The following ASNS variants were observed in gnomAD, a reference collection of about 807,000 sequenced individuals.
ASNS encodes the protein asparagine synthetase (glutamine-hydrolyzing), also known as asparagine synthetase [glutamine-hydrolyzing].
A neutral mutation model predicts 62.6 loss-of-function variants in ASNS; 37 were observed. The ratio of observed to expected loss-of-function variants is 0.59; its 90% CI spans 0.45 to 0.78. ASNS has a LOEUF of 0.78. Among genes scored for constraint, ASNS ranks in the 30% least tolerant of loss-of-function variants. The probability of loss-of-function intolerance (pLI) is 0.00; values close to 1 mark genes in which losing one functional copy is unlikely to be tolerated. For synonymous variants in ASNS, 207 were observed against 237.9 expected, an observed-to-expected ratio of 0.87 and a Z score of 1.19; for missense variants, 520 against 682.4, an observed-to-expected ratio of 0.76 and a Z score of 2.65.
At chr7:97,915,457 C>T in the ASNS span, among the ~76,000 whole-genome samples, 858 of 152,314 alleles carry the variant, frequency 5.6e-3, 7 homozygotes, top group African/African-American at 0.02. Context: ...ACACCAGAGA[C>T]ACAAATGAGA....
At chr7:97,912,823 C>A in the ASNS span, among the ~76,000 whole-genome samples, 1 of 151,578 alleles carries the variant, frequency 6.6e-6, no homozygotes, top group Non-Finnish European at 1.5e-5. Flanking sequence ...CTCAAGTGAT[C>A]CAACCCCCTA....
intron 1 of ASNS, among the ~76,000 whole-genome samples, chr7:97,871,073 A>G (rs1792236487): frequency 6.6e-6 from 1 of 152,242 alleles, no homozygotes; most frequent in Admixed American, 6.5e-5. Flanking sequence ...CCACATATGT[A>G]ATTTTAAATA....
chr7:97,870,495 G>T (rs1792201868), intron 1 of ASNS, among the ~76,000 whole-genome samples: 1 of 152,136 alleles, frequency 6.6e-6, no homozygotes, highest in Non-Finnish European at 1.5e-5. Flanking sequence ...CAAAGGTTTA[G>T]CTGGCTTTTC....
the ASNS span, among the ~76,000 whole-genome samples, chr7:97,896,739 C>CAAATATATATATATATATAT: frequency 6.3e-5 from 2 of 32,000 alleles, no homozygotes; most frequent in African/African-American, 6.9e-5. Flanking sequence ...CACACACACA[C>CAAATATATATATATATATAT]ACATATATAT....
At chr7:97,856,881 T>A (rs1216392162) in intron 7 of ASNS, 65 bp from the exon 8 acceptor site, 1 of 1,454,578 alleles carries the variant, frequency 6.9e-7, no homozygotes, top group Admixed American at 2.1e-5. Context: ...AAATCAAACA[T>A]GATGGGAGTT....
the ASNS span, among the ~76,000 whole-genome samples, chr7:97,878,954 C>T: frequency 6.6e-6 from 1 of 152,084 alleles, no homozygotes; most frequent in Non-Finnish European, 1.5e-5. Flanking sequence ...GAGATATAGA[C>T]CAATGGAACA....
At chr7:97,914,119 G>A in the ASNS span, among the ~76,000 whole-genome samples, 1 of 146,154 alleles carries the variant, frequency 6.8e-6, no homozygotes, top group Non-Finnish European at 1.5e-5. Context: ...TGGGTGGGTG[G>A]ATAGATGGGT....
chr7:97,919,353 G>T, the ASNS span, among the ~76,000 whole-genome samples: 1 of 152,052 alleles, frequency 6.6e-6, no homozygotes, highest in Non-Finnish European at 1.5e-5. Context: ...TGGCCCACCC[G>T]CCTTGGCCTC....
upstream of ASNS, among the ~76,000 whole-genome samples, chr7:97,875,162 T>C (rs1321782059): frequency 6.6e-6 from 1 of 152,184 alleles, no homozygotes; most frequent in Admixed American, 6.5e-5. Context: ...TTGTTTGTTT[T>C]TGAGACAGGG....
Position 97,864,291 on chromosome 7 carries a change from T to A in ASNS, c.455A>T (p.Asp152Val), listed in dbSNP as rs1791856058. ...VRPLFKAMTE[D>V]GFLAVCSEAK... ...TTCTGAACATACAGCCAAAAATCCATCTTCTGTCATTGCTTTAAACAAAGG... is the reference window on the plus strand; with the variant it reads ...TTCTGAACATACAGCCAAAAATCCAACTTCTGTCATTGCTTTAAACAAAGG... Residue 152 changes from aspartate to valine, a missense_variant, in exon 4 of 13, where the codon GAT becomes GTT. Asp to Val is a radical substitution (Grantham distance 152). Coordinates refer to ENST00000394308, the MANE Select transcript of ASNS (RefSeq NM_001673.5). The A allele has an allele frequency of 6.2e-7, 1 of 1,613,630 alleles. No individual in the cohort carries two copies. The highest frequency in any genetic ancestry group is 1.1e-5 in the South Asian group (1 of 91,032).
At chr7:97,897,304 A>C in the ASNS span, among the ~76,000 whole-genome samples, 1 of 152,236 alleles carries the variant, frequency 6.6e-6, no homozygotes, top group Non-Finnish European at 1.5e-5. Flanking sequence ...AAAACGCTGA[A>C]GACAACCTAG....
At chr7:97,920,774 T>A in the ASNS span, among the ~76,000 whole-genome samples, 2 of 152,070 alleles carry the variant, frequency 1.3e-5, no homozygotes, top group African/African-American at 4.8e-5. Flanking sequence ...TAGCAAGAGC[T>A]TTTGAGACAG....
chr7:97,872,893 G>C (rs1792353553), upstream of ASNS, among the ~76,000 whole-genome samples: 1 of 152,210 alleles, frequency 6.6e-6, no homozygotes, highest in Admixed American at 6.5e-5. Context: ...TTGAAACCAG[G>C]AGTTCAAGAC....
chr7:97,858,505 T>A, intron 6 of ASNS, 100 bp from the exon 7 acceptor site: 1 of 1,451,264 alleles, frequency 6.9e-7, no homozygotes, highest in Non-Finnish European at 9.3e-7. Flanking sequence ...ATCATAGTTT[T>A]ACTATTTAAA....
Position 97,853,187 on chromosome 7 carries a change from T to C in ASNS, c.1349A>G (p.Glu450Gly), listed in dbSNP as rs1791271054. 6.2e-7 allele frequency: 1 copy of C among 1,607,776 alleles called. No individual in the cohort carries two copies. Among genetic ancestry groups the C allele is most frequent in the African/African-American group, 1.3e-5 (1 of 74,506 alleles). Residue 450 changes from glutamate (E) to glycine (G), a missense_variant, in exon 12 of 13, where the codon GAG becomes GGG. Transcript: ENST00000394308. ...KNGIEKHLLRETFEDSNLIPK... is the reference protein window; with the variant it reads ...KNGIEKHLLRGTFEDSNLIPK... ...TATCAGATTGGAATCCTCAAACGTC[T>C]CTCTCAGGAGATGTTTTTCTATCCC...
chr7:97,855,239 C>G (rs1452642942), intron 9 of ASNS, 114 bp downstream of exon 9: 2 of 726,612 alleles, frequency 2.8e-6, no homozygotes, highest in Non-Finnish European at 4.5e-6. Context: ...CCTTTTGTAA[C>G]CTCACAAGAT....
chr7:97,875,731 C>T (rs1442273452), upstream of ASNS, among the ~76,000 whole-genome samples: 1 of 152,186 alleles, frequency 6.6e-6, no homozygotes, highest in East Asian at 1.9e-4. Flanking sequence ...TTTGAATAGC[C>T]ACATTGATTT....
At chr7:97,904,413 A>G in the ASNS span, among the ~76,000 whole-genome samples, 1 of 152,002 alleles carries the variant, frequency 6.6e-6, no homozygotes, top group East Asian at 1.9e-4. Flanking sequence ...AAACATCAGA[A>G]GTTGTTTTTC....
chr7:97,856,566 G>C (rs1410099220), intron 8 of ASNS, 124 bp downstream of exon 8: 2 of 854,810 alleles, frequency 2.3e-6, no homozygotes, highest in Non-Finnish European at 3.4e-6. Flanking sequence ...GTAACATAGG[G>C]ATTTAATTTG....
Sources: allele counts gnomAD v4.1 joint callset (sites outside exome capture counted in the v4.1 genomes callset), GRCh38; gene constraint gnomAD v4.1.1; transcripts MANE v1.5; gene names NCBI Gene and HGNC (gene_info 2026-07-23, HGNC 2026-07-21).